ABLIM1: variants seen among roughly 807,000 people sequenced by gnomAD.
The protein encoded by ABLIM1 is actin-binding LIM protein 1.
Under a neutral mutation model 107.0 loss-of-function variants are expected in ABLIM1, and 40 were observed. That is an observed-to-expected ratio of 0.37 (90% CI 0.29 to 0.49). The LOEUF (loss-of-function observed/expected upper bound fraction) is 0.49, where lower values mean the gene tolerates loss of function less well. ABLIM1 is among the 20% of genes least tolerant of loss of function. The probability of loss-of-function intolerance (pLI) is 0.97; values close to 1 mark genes in which losing one functional copy is unlikely to be tolerated. For missense variants in ABLIM1, 857 were observed against 1,008.5 expected (o/e 0.85, Z 2.04); for synonymous variants, 357 against 357.3 (o/e 1.00, Z 0.01).
rs2780753 is a variant in ABLIM1, at chr10:114,707,934, C to A, written c.-213+60127G>T. On this transcript the variant is annotated intron_variant, in intron 1 of 15. Transcript: ENST00000651092. This position sits in a 1 kb window ranked among gnomAD's most constrained non-coding sequence, Gnocchi z 4.1. Reference sequence around the variant, plus strand: ...ACAAACAAACAAACAACAACAACAACAAAAAACCTAATTACCAACAGTTTT... The same window carrying A: ...ACAAACAAACAAACAACAACAACAAAAAAAAACCTAATTACCAACAGTTTT... Among the ~76,000 whole-genome samples the A allele has an allele frequency of 0.66, 97,048 of 146,370 alleles. 31,612 individuals are homozygous for A. The highest frequency in any genetic ancestry group is 0.71 in the Non-Finnish European group (48,126 of 67,874).
intron 2 of ABLIM1, among the ~76,000 whole-genome samples, chr10:114,586,231 GACC>G (rs1463445127): frequency 6.7e-6 from 1 of 149,652 alleles, no homozygotes; most frequent in Non-Finnish European, 1.5e-5. Context: ...AACTGAAATT[GACC>G]ACCACTCAAT....
intron 6 of ABLIM1, among the ~76,000 whole-genome samples, chr10:114,501,159 T>C: frequency 6.6e-6 from 1 of 152,220 alleles, no homozygotes; most frequent in East Asian, 1.9e-4. Flanking sequence ...TCACAAACTT[T>C]ACCCCACCTG....
chr10:114,547,045 G>T (rs1439254747), intron 5 of ABLIM1, among the ~76,000 whole-genome samples: 3 of 151,932 alleles, frequency 2.0e-5, no homozygotes, highest in Admixed American at 6.6e-5. Context: ...TCCCACCTTG[G>T]CCTCCCAAGT....
At chr10:114,717,991 A>AAAGGGAGG (rs1555227667) in intron 1 of ABLIM1, among the ~76,000 whole-genome samples, 7 of 86,792 alleles carry the variant, frequency 8.1e-5, no homozygotes, top group Non-Finnish European at 1.5e-4. Context: ...AGAAAGAAAG[A>AAAGGGAGG]AAGGAAGGAA....
chr10:114,787,690 C>T, the ABLIM1 span, among the ~76,000 whole-genome samples: 2 of 80,884 alleles, frequency 2.5e-5, no homozygotes, highest in African/African-American at 7.8e-5. Context: ...CCAGCCACCC[C>T]GTCCGGGAGG....
At chr10:114,752,296 C>G (rs2082532428) in intron 1 of ABLIM1, among the ~76,000 whole-genome samples, 1 of 152,198 alleles carries the variant, frequency 6.6e-6, no homozygotes. Context: ...AGCTAGAATT[C>G]AAGTCTCCTA....
intron 22 of ABLIM1, among the ~76,000 whole-genome samples, chr10:114,437,189 G>A (rs2059537285): frequency 6.6e-6 from 1 of 151,886 alleles, no homozygotes; most frequent in African/African-American, 2.4e-5. Context: ...AAGGATCTGA[G>A]ACTATCTCAA....
chr10:114,491,650 A>G, intron 7 of ABLIM1, 141 bp downstream of exon 7: 1 of 685,442 alleles, frequency 1.5e-6, no homozygotes, highest in Admixed American at 2.6e-5. Context: ...TGATGAGGTA[A>G]CTTTTGGCCA....
chr10:114,603,772 G>A (rs2076211402), intron 1 of ABLIM1, among the ~76,000 whole-genome samples: 1 of 151,812 alleles, frequency 6.6e-6, no homozygotes, highest in African/African-American at 2.4e-5. Context: ...TGGCCAACAC[G>A]GTGAAACCCC....
intron 1 of ABLIM1, among the ~76,000 whole-genome samples, chr10:114,726,659 G>A (rs2081966535): frequency 6.6e-6 from 1 of 152,130 alleles, no homozygotes; most frequent in Non-Finnish European, 1.5e-5. Flanking sequence ...GCGGGCAACT[G>A]TAATTCCAGC....
intron 1 of ABLIM1, chr10:114,631,893 T>TA: frequency 7.7e-7 from 1 of 1,304,120 alleles, no homozygotes; most frequent in Non-Finnish European, 1.0e-6. Flanking sequence ...GATCGATATT[T>TA]ATAATTACCT....
At chr10:114,487,786 T>G (rs2058395403) in intron 8 of ABLIM1, among the ~76,000 whole-genome samples, 172 bp downstream of exon 8, 1 of 152,168 alleles carries the variant, frequency 6.6e-6, no homozygotes, top group African/African-American at 2.4e-5. Flanking sequence ...CACAGTACGT[T>G]TAAGGTAAGA....
intron 4 of ABLIM1, among the ~76,000 whole-genome samples, chr10:114,550,288 T>C (rs1298757005): frequency 1.3e-5 from 2 of 152,162 alleles, no homozygotes; most frequent in Non-Finnish European, 2.9e-5. Context: ...GGTAGTTTAC[T>C]ATAAAGATAA....
chr10:114,541,749 G>T (rs2066683761), intron 6 of ABLIM1, among the ~76,000 whole-genome samples: 1 of 152,218 alleles, frequency 6.6e-6, no homozygotes, highest in Non-Finnish European at 1.5e-5. Context: ...TTGAGAAGAG[G>T]TCTCTGCAGC....
chr10:114,745,116 C>G (rs77779347), intron 1 of ABLIM1, among the ~76,000 whole-genome samples: 8,068 of 152,176 alleles, frequency 0.053, 328 homozygotes, highest in African/African-American at 0.11. Context: ...AAATATGCCA[C>G]TAATTGGTCT....
intron 1 of ABLIM1, among the ~76,000 whole-genome samples, chr10:114,717,991 A>AAGG (rs2081718787): frequency 2.6e-4 from 23 of 86,858 alleles, no homozygotes; most frequent in African/African-American, 6.8e-4. Flanking sequence ...AGAAAGAAAG[A>AAGG]AAGGAAGGAA....
chr10:114,654,656 C>A (rs185691673), intron 1 of ABLIM1, among the ~76,000 whole-genome samples: 77 of 152,282 alleles, frequency 5.1e-4, no homozygotes, highest in Non-Finnish European at 2.2e-4. Flanking sequence ...CTTAGACACA[C>A]GCAAGCAGGG....
intron 2 of ABLIM1, among the ~76,000 whole-genome samples, chr10:114,599,580 T>C (rs1390878072): frequency 6.6e-6 from 1 of 151,982 alleles, no homozygotes; most frequent in Non-Finnish European, 1.5e-5. Context: ...GAGACCAGCC[T>C]GGCCAACATG....
chr10:114,760,404 T>TCACACA lies in ABLIM1; in HGVS notation c.-213+7651_-213+7656dup, dbSNP rs3981296. On this transcript the variant is annotated intron_variant, in intron 1 of 15. Coordinates refer to the ABLIM1 transcript ENST00000651092. ...TCTCAGCAAGAAGAAAATTTCTCCT[T>TCACACA]CACACACACACACACACACACACAC... is the stretch of plus-strand genomic sequence containing the variant. Among the ~76,000 whole-genome samples the TCACACA allele has an allele frequency of 9.8e-4, 141 of 143,728 alleles. 3 individuals are homozygous for TCACACA. The highest frequency in any genetic ancestry group is 2.7e-3 in the East Asian group (13 of 4,776). The allele number at this position is 143,728 out of a possible 152,430, so 94.3% of individuals were successfully genotyped here.
Sources: allele counts gnomAD v4.1 joint callset (sites outside exome capture counted in the v4.1 genomes callset), GRCh38; gene constraint gnomAD v4.1.1; non-coding constraint Gnocchi (gnomAD v3.1); transcripts MANE v1.5; gene names NCBI Gene and HGNC (gene_info 2026-07-23, HGNC 2026-07-21).